The following SCNN1A variants were observed in gnomAD, a reference collection of about 807,000 sequenced individuals.
SCNN1A encodes epithelial sodium channel subunit alpha.
SCNN1A carries 65 observed loss-of-function variants against 68.6 expected under a neutral mutation model. The observed-to-expected ratio is 0.95, with a 90% confidence interval of 0.78 to 1.16. The LOEUF is 1.16. SCNN1A is among the 50% of genes most tolerant of loss of function. The pLI is 0.00. For missense variants in SCNN1A, 880 were observed against 865.9 expected (o/e 1.02, Z -0.20); for synonymous variants, 357 against 353.3 (o/e 1.01, Z -0.12).
intron 2 of SCNN1A, among the ~76,000 whole-genome samples, chr12:6,366,693 G>A (rs1293613657): frequency 6.6e-6 from 1 of 151,976 alleles, no homozygotes; most frequent in African/African-American, 2.4e-5. Context: ...CCAGCTACTC[G>A]GGAGGCTGAG....
At chr12:6,350,305 G>C (rs576094944) in intron 8 of SCNN1A, among the ~76,000 whole-genome samples, 1 of 151,206 alleles carries the variant, frequency 6.6e-6, no homozygotes, top group Non-Finnish European at 1.5e-5. Flanking sequence ...GGTGGCGGGC[G>C]CCTGTAGTCC....
At chr12:6,354,675 C>T (rs1948463475) in intron 7 of SCNN1A, 75 bp downstream of exon 7, 1 of 1,453,898 alleles carries the variant, frequency 6.9e-7, no homozygotes, top group Non-Finnish European at 9.7e-7. Context: ...CTCACATACA[C>T]AACCCCTCCA....
upstream of SCNN1A, chr12:6,377,328 C>T (rs1371270578): frequency 4.9e-6 from 7 of 1,417,976 alleles, no homozygotes; most frequent in Non-Finnish European, 6.8e-6. Context: ...AGAAACTGAC[C>T]CTTCCCAAGG....
chr12:6,366,713 T>C (rs1248984648), intron 2 of SCNN1A, among the ~76,000 whole-genome samples: 1 of 151,424 alleles, frequency 6.6e-6, no homozygotes, highest in Non-Finnish European at 1.5e-5. Context: ...GGCAGGAGAA[T>C]CGCTTGAACC....
intron 8 of SCNN1A, among the ~76,000 whole-genome samples, chr12:6,354,188 G>A (rs553418198): frequency 6.2e-4 from 95 of 152,012 alleles, no homozygotes; most frequent in African/African-American, 2.1e-3. Context: ...CCGAGATCGC[G>A]CCACTGCTCT....
rs996968815 is a variant in SCNN1A at position 6,374,275 on chromosome 12, G to A, written c.416+93C>T. The A allele has an allele frequency of 1.1e-5, 15 of 1,379,388 alleles. No individual in the cohort carries two copies. The South Asian group carries it at 1.3e-4, about 12-fold the overall frequency. 85.4% of individuals were successfully genotyped at this position (1,379,388 alleles called of 1,614,324 possible). A position where few individuals can be genotyped will look rare whatever the true frequency, so the allele number is the denominator to read the frequency against. The stretch of plus-strand genomic sequence containing the variant: ...CAGGGGTGTCAGTTCCCACCCTCAG[G>A]TCTGAGGCTCTGCCTGCCCAGTGAG... On this transcript the variant is annotated intron_variant, in intron 2 of 12. Transcript: ENST00000228916. This position sits in a 1 kb window ranked among gnomAD's most constrained non-coding sequence, Gnocchi z 6.2.
At chr12:6,375,563 CG>C, upstream of SCNN1A, 1 of 1,534,204 alleles carries the variant, frequency 6.5e-7, no homozygotes, top group Non-Finnish European at 8.7e-7. Context: ...GGGATGGAAG[CG>C]ACAGGAATCT....
At chr12:6,349,525 A>G (rs72657559) in intron 8 of SCNN1A, 120 bp from the exon 9 acceptor site, 1 of 734,814 alleles carries the variant, frequency 1.4e-6, no homozygotes, top group African/African-American at 1.7e-5. Flanking sequence ...TAGCATTATA[A>G]TGATGCCTTA....
At chr12:6,363,374 A>G (rs1948614183) in intron 3 of SCNN1A, 69 bp downstream of exon 3, 2 of 1,366,266 alleles carry the variant, frequency 1.5e-6, no homozygotes, top group Admixed American at 2.9e-5. Flanking sequence ...AAAGGAGCGG[A>G]GCCCATGGGT....
Position 6,347,681 on chromosome 12 carries a change from C to A in SCNN1A, c.*192G>T. 1.6e-6 allele frequency: 1 copy of A among 635,658 alleles called. No homozygotes were observed. Among genetic ancestry groups the A allele is most frequent in the Admixed American group, 2.4e-5 (1 of 42,032 alleles). The allele number at this position is 635,658 out of a possible 1,614,324, so 39.4% of individuals were successfully genotyped here. On this transcript the variant is annotated 3_prime_UTR_variant, in exon 13 of 13. Transcript: ENST00000228916. ...GTACAGGGCTGGAGCCAAGGCACTT[C>A]TGGGCAGCTTCATCAGCTACTGTTC...
chr12:6,362,206 T>C lies in SCNN1A; in HGVS notation c.720A>G (p.Thr240=). The C allele has an allele frequency of 5.0e-6, 8 of 1,614,206 alleles. No individual in the cohort carries two copies. Among genetic ancestry groups the C allele is most frequent in the Non-Finnish European group, 5.9e-6 (7 of 1,180,018 alleles). Residue 240 remains threonine, a synonymous_variant, in exon 4 of 13, where the codon ACA becomes ACG. Coordinates refer to ENST00000228916, the MANE Select transcript of SCNN1A (RefSeq NM_001038.6). ...NQNKSDCFYQ[T]YSSGVDAVRE... is the part of the protein sequence containing the mutation. ...TCACCGCATCCACCCCTGATGAGTATGTCTGGTAGAAGCAGTCCGATTTGT... is the reference window on the plus strand; with the variant it reads ...TCACCGCATCCACCCCTGATGAGTACGTCTGGTAGAAGCAGTCCGATTTGT...
chr12:6,354,144 T>C (rs1200736475), intron 8 of SCNN1A, among the ~76,000 whole-genome samples: 2 of 151,612 alleles, frequency 1.3e-5, no homozygotes, highest in Non-Finnish European at 2.9e-5. Context: ...GGCAGGAGAA[T>C]GGTGGGAACC....
chr12:6,355,146 CT>C, intron 6 of SCNN1A, 125 bp downstream of exon 6: 3 of 1,089,176 alleles, frequency 2.8e-6, no homozygotes, highest in Non-Finnish European at 4.1e-6. Context: ...CTCATTCCTG[CT>C]CCTGAAGACC....
At chr12:6,353,129 C>T (rs368348317) in intron 8 of SCNN1A, among the ~76,000 whole-genome samples, 16 of 152,184 alleles carry the variant, frequency 1.1e-4, no homozygotes, top group African/African-American at 3.9e-4. Context: ...TGCCAAACAA[C>T]TCAACTGTAG....
At chr12:6,363,384 TGGGCGGGGCCAGGGGCCGGCGAG>T (rs1948614520) in intron 3 of SCNN1A, 36 bp downstream of exon 3, 1 of 1,410,132 alleles carries the variant, frequency 7.1e-7, no homozygotes, top group Non-Finnish European at 9.4e-7. Context: ...AGCCCATGGG[TGGGCGGGGCCAGGGGCCGGCGAG>T]GGGCGGGGCG....
At position 6,374,905 on chromosome 12, in the gene SCNN1A, G is replaced by A; in HGVS notation, c.-54-68C>T. On this transcript the variant is annotated intron_variant, in intron 1 of 12. Coordinates refer to ENST00000228916, the MANE Select transcript of SCNN1A (RefSeq NM_001038.6). The surrounding 1 kb of genome is among the most constrained non-coding windows in gnomAD (Gnocchi z 6.2). ...GTCAAGGCTGAGCTCTGGGCCCTGA[G>A]TGCCCTCTCCCATCACCCCTGGAAC... 6 of 1,611,094 alleles carry A rather than the reference G, an allele frequency of 3.7e-6. No individual in the cohort carries two copies. The highest frequency in any genetic ancestry group is 1.1e-5 in the South Asian group (1 of 90,708).
At chr12:6,354,997 C>G in intron 6 of SCNN1A, 149 bp from the exon 7 acceptor site, 1 of 779,698 alleles carries the variant, frequency 1.3e-6, no homozygotes, top group South Asian at 1.4e-5. Context: ...CACCCCCATG[C>G]CCACCCACTG....
intron 5 of SCNN1A, 95 bp downstream of exon 5, chr12:6,355,682 G>T: frequency 3.1e-6 from 3 of 978,786 alleles, no homozygotes; most frequent in Non-Finnish European, 3.3e-6. Flanking sequence ...CAGCAGGCAG[G>T]ACCCCTCCCA....
At chr12:6,353,848 C>G (rs991577716) in intron 8 of SCNN1A, 3 of 149,756 alleles carry the variant, frequency 2.0e-5, no homozygotes, top group East Asian at 2.0e-4. Context: ...CGTGGCCTCC[C>G]AAAGTGCTGG....
Sources: gnomAD v4.1 joint callset for allele counts (sites outside exome capture counted in the v4.1 genomes callset) on GRCh38, gnomAD v4.1.1 for gene constraint, Gnocchi (gnomAD v3.1) non-coding constraint, MANE v1.5 for transcripts, NCBI Gene and HGNC (gene_info 2026-07-23, HGNC 2026-07-21) for gene names.